Variants in NBAS observed in about 807,000 individuals in gnomAD.
NBAS encodes the protein NAG/BC035112 fusion.
A neutral mutation model predicts 302.5 loss-of-function variants in NBAS; 219 were observed. The ratio of observed to expected loss-of-function variants is 0.72; its 90% CI spans 0.65 to 0.81. The LOEUF (loss-of-function observed/expected upper bound fraction) is 0.81. Among genes scored for constraint, NBAS ranks in the 30% least tolerant of loss-of-function variants. The pLI is 0.00. For synonymous variants in NBAS, 1,118 were observed against 1,021.6 expected, an observed-to-expected ratio of 1.09 and a Z score of -1.80; for missense variants, 2,932 against 2,841.6, an observed-to-expected ratio of 1.03 and a Z score of -0.72.
intron 33 of NBAS, 33 bp from the exon 34 acceptor site, chr2:15,353,743 A>T: frequency 6.2e-7 from 1 of 1,613,492 alleles, no homozygotes; most frequent in South Asian, 1.1e-5. Flanking sequence ...AATGATTCCC[A>T]AAAGAAGAAG....
chr2:15,177,415 C>A (rs1236207729), intron 51 of NBAS, among the ~76,000 whole-genome samples: 3 of 152,124 alleles, frequency 2.0e-5, no homozygotes, highest in African/African-American at 7.2e-5. Context: ...CAGTTAGGGA[C>A]CGCCTGTGCT....
the NBAS span, among the ~76,000 whole-genome samples, chr2:14,849,964 C>T: frequency 7.2e-6 from 1 of 138,896 alleles, no homozygotes; most frequent in Non-Finnish European, 1.5e-5. Flanking sequence ...TGGTACGAGC[C>T]GCTGCAAAAT....
rs141381321 is a variant in NBAS, at chr2:15,376,461, T to C, written c.3591-1741A>G. Among the ~76,000 whole-genome samples, 432 of 152,268 alleles carry C rather than the reference T, an allele frequency of 2.8e-3. 4 individuals are homozygous for C. The highest frequency in any genetic ancestry group is 4.5e-3 in the Non-Finnish European group (306 of 67,994). ...GGCTATTTGGTATTTTCAAAGACTATTTGGTATTTTCATCATTTGAAATAA... is the reference window on the plus strand; with the variant it reads ...GGCTATTTGGTATTTTCAAAGACTACTTGGTATTTTCATCATTTGAAATAA... On this transcript the variant is annotated intron_variant, in intron 30 of 51. Coordinates refer to ENST00000281513, the MANE Select transcript of NBAS (RefSeq NM_015909.4).
chr2:14,793,620 A>T, the NBAS span, among the ~76,000 whole-genome samples: 9 of 152,168 alleles, frequency 5.9e-5, 1 homozygote, highest in Admixed American at 2.0e-4. Flanking sequence ...AGAGGATCAG[A>T]GAAGGAGAAT....
chr2:15,222,217 A>G (rs1666976942), intron 47 of NBAS, among the ~76,000 whole-genome samples: 1 of 152,248 alleles, frequency 6.6e-6, no homozygotes, highest in African/African-American at 2.4e-5. Flanking sequence ...GCAGTGAAAC[A>G]TCAAAATCAT....
the NBAS span, among the ~76,000 whole-genome samples, chr2:14,848,736 G>A: frequency 4.5e-4 from 68 of 151,324 alleles, no homozygotes; most frequent in East Asian, 3.3e-3. Flanking sequence ...ATCTGAGAAC[G>A]GGCAGACTGC....
chr2:14,835,051 G>T, the NBAS span, among the ~76,000 whole-genome samples: 4 of 152,006 alleles, frequency 2.6e-5, no homozygotes, highest in African/African-American at 9.7e-5. Context: ...TATTAAACGT[G>T]GTGAGCAAGA....
intron 50 of NBAS, among the ~76,000 whole-genome samples, chr2:15,182,697 C>A (rs1664883772): frequency 6.6e-6 from 1 of 152,156 alleles, no homozygotes; most frequent in Non-Finnish European, 1.5e-5. Flanking sequence ...ATTCCCAAGT[C>A]TTGAGAGGGC....
intron 24 of NBAS, 136 bp from the exon 25 acceptor site, chr2:15,415,855 A>G: frequency 1.1e-6 from 1 of 900,884 alleles, no homozygotes. Flanking sequence ...ACTCTAAAAC[A>G]CACAGTCCAG....
the NBAS span, among the ~76,000 whole-genome samples, chr2:15,083,083 C>A: frequency 1.4e-4 from 22 of 152,202 alleles, no homozygotes; most frequent in Non-Finnish European, 2.8e-4. Context: ...AGGAGGAAAG[C>A]AGCTATGTGC....
At chr2:15,175,657 T>C (rs779422156) in intron 51 of NBAS, among the ~76,000 whole-genome samples, 4 of 152,140 alleles carry the variant, frequency 2.6e-5, no homozygotes, top group Non-Finnish European at 4.4e-5. Context: ...TCATCATCAA[T>C]ACAATCTCAA....
chr2:15,262,828 T>C (rs1361561851), intron 44 of NBAS, among the ~76,000 whole-genome samples: 3 of 152,152 alleles, frequency 2.0e-5, no homozygotes, highest in African/African-American at 7.2e-5. Context: ...AAGGCCCTCA[T>C]CAGATGAGGC....
At chr2:15,347,765 T>TAAGTGGTAG (rs1673163564) in intron 35 of NBAS, among the ~76,000 whole-genome samples, 1 of 152,200 alleles carries the variant, frequency 6.6e-6, no homozygotes, top group African/African-American at 2.4e-5. Flanking sequence ...CTGTTCCATC[T>TAAGTGGTAG]AAAAAGCATA....
At chr2:15,179,317 C>T in intron 50 of NBAS, 1 of 679,500 alleles carries the variant, frequency 1.5e-6, no homozygotes, top group Non-Finnish European at 2.5e-6. Context: ...GTACAGATTT[C>T]CAAGCTATCA....
the NBAS span, among the ~76,000 whole-genome samples, chr2:14,901,859 A>C: frequency 9.9e-5 from 15 of 152,200 alleles, no homozygotes; most frequent in African/African-American, 3.6e-4. Context: ...GTGCTGTGGA[A>C]GGACAGTTCC....
chr2:14,951,349 T>C, the NBAS span, among the ~76,000 whole-genome samples: 7 of 152,290 alleles, frequency 4.6e-5, no homozygotes, highest in Admixed American at 3.3e-4. Flanking sequence ...CAAAGTCCTG[T>C]TCTATCCCTA....
At chr2:15,382,677 G>A (rs1675098792) in intron 29 of NBAS, among the ~76,000 whole-genome samples, 1 of 152,206 alleles carries the variant, frequency 6.6e-6, no homozygotes, top group Non-Finnish European at 1.5e-5. Flanking sequence ...AAAAGTGGAA[G>A]AGGTGAGGGA....
At chr2:15,299,010 G>A (rs112103795) in intron 40 of NBAS, among the ~76,000 whole-genome samples, 3,444 of 152,076 alleles carry the variant, frequency 0.023, 87 homozygotes, top group African/African-American at 0.057. Flanking sequence ...AGAATCACTC[G>A]GAAGTCTTGG....
chr2:15,166,218 T>G (rs1664016676), downstream of NBAS, among the ~76,000 whole-genome samples: 1 of 152,212 alleles, frequency 6.6e-6, no homozygotes, highest in Non-Finnish European at 1.5e-5. Context: ...TTGCTATGAT[T>G]GGCTGTATGC....
Sources: allele counts gnomAD v4.1 joint callset (sites outside exome capture counted in the v4.1 genomes callset), GRCh38; gene constraint gnomAD v4.1.1; transcripts MANE v1.5; gene names NCBI Gene and HGNC (gene_info 2026-07-23, HGNC 2026-07-21).